TPRKB: variants seen among roughly 807,000 people sequenced by gnomAD.
TPRKB encodes the protein TP53RK binding protein, also known as EKC/KEOPS complex subunit TPRKB.
A neutral mutation model predicts 17.8 loss-of-function variants in TPRKB; 11 were observed. That is an observed-to-expected ratio of 0.62 (90% CI 0.39 to 1.02). The LOEUF (loss-of-function observed/expected upper bound fraction) is 1.02, where lower values mean the gene tolerates loss of function less well. Ranked by LOEUF, TPRKB falls within the 50% of genes least tolerant of loss-of-function variation. The pLI is 0.00. For synonymous variants in TPRKB, 71 were observed against 69.5 expected (o/e 1.02, Z -0.11); for missense variants, 228 against 198.0 (o/e 1.15, Z -0.91).
In TPRKB at chr2:73,732,179, A is replaced by C; in HGVS notation, c.248T>G (p.Leu83Arg). ...GCACATTACATTGTTATTTGGGGAA[A>C]GGTTGAAAATAATTTCAGTAGATAG... ...RTLSTEIIFN[L>R]SPNNNISEAL... The change falls in exon 3 of 5, where the codon CTT (leucine) becomes CGT (arginine). Residue 83 changes from leucine (L) to arginine (R), a missense_variant. Leu to Arg is a moderately radical substitution (Grantham distance 102, BLOSUM62 -2). Coordinates refer to ENST00000272424, the MANE Select transcript of TPRKB (RefSeq NM_016058.5). The C allele has an allele frequency of 6.2e-7, 1 of 1,613,694 alleles. No homozygotes were observed. Among genetic ancestry groups the C allele is most frequent in the South Asian group, 1.1e-5 (1 of 90,942 alleles).
intron 4 of TPRKB, 45 bp downstream of exon 4, chr2:73,730,515 A>AT: frequency 7.2e-7 from 1 of 1,382,230 alleles, no homozygotes; most frequent in Non-Finnish European, 9.9e-7. Context: ...CATCAGCATT[A>AT]TTGCTCATCT....
At chr2:73,732,436 G>C in intron 2 of TPRKB, 151 bp from the exon 3 acceptor site, 1 of 908,354 alleles carries the variant, frequency 1.1e-6, no homozygotes. Context: ...TCCCGGCTGG[G>C]CACGGTGGCT....
At chr2:73,730,832 CTCT>C (rs1466363593) in intron 3 of TPRKB, 96 bp from the exon 4 acceptor site, 7 of 910,344 alleles carry the variant, frequency 7.7e-6, no homozygotes, top group East Asian at 3.0e-5. Flanking sequence ...CTTGGTCAGG[CTCT>C]TATTTTTCAT....
intron 3 of TPRKB, chr2:73,730,953 T>A (rs1167373237): frequency 2.6e-6 from 1 of 383,506 alleles, no homozygotes; most frequent in Middle Eastern, 6.9e-4. Flanking sequence ...CTTGTTCCTA[T>A]GGAATCAAGC....
chr2:73,732,197 G>GTAGA lies in TPRKB; in HGVS notation c.226_229dup (p.Thr77IlefsTer3), dbSNP rs754816786. 1.2e-6 allele frequency: 2 copies of GTAGA among 1,613,722 alleles called. No homozygotes were observed. Among genetic ancestry groups the GTAGA allele is most frequent in the Admixed American group, 1.7e-5 (1 of 59,902 alleles). ...TGGGGAAAGGTTGAAAATAATTTCA[G>GTAGA]TAGATAGAGTTCTTGTCTTCATTTT... On this transcript the variant is annotated frameshift_variant, in exon 3 of 5. Transcript: ENST00000272424. LOFTEE classifies it high-confidence loss of function.
At chr2:73,730,999 C>G (rs986055027) in intron 3 of TPRKB, 2 of 269,542 alleles carry the variant, frequency 7.4e-6, no homozygotes, top group African/African-American at 4.4e-5. Context: ...CACCTCCTCC[C>G]TCTGGTGCCA....
chr2:73,731,979 C>G (rs1358509857), intron 3 of TPRKB, 184 bp downstream of exon 3: 1 of 543,030 alleles, frequency 1.8e-6, no homozygotes, highest in East Asian at 3.2e-5. Flanking sequence ...TTTTTGTTTA[C>G]TCATATGTAA....
intron 1 of TPRKB, among the ~76,000 whole-genome samples, chr2:73,736,347 T>G (rs1671877447): frequency 6.6e-6 from 1 of 152,174 alleles, no homozygotes; most frequent in African/African-American, 2.4e-5. Context: ...ATGAGGTGAT[T>G]TTTATTGTCC....
intron 3 of TPRKB, 173 bp from the exon 4 acceptor site, chr2:73,730,909 C>G (rs1001742641): frequency 2.0e-6 from 1 of 492,400 alleles, no homozygotes; most frequent in African/African-American, 2.0e-5. Flanking sequence ...TCCATTGGCA[C>G]TTCCTCAAAA....
Position 73,730,750 on chromosome 2 carries a change from A to C in TPRKB, c.265-14T>G. On this transcript the variant is annotated splice_polypyrimidine_tract_variant and intron_variant, in intron 3 of 4. Coordinates refer to ENST00000272424, the MANE Select transcript of TPRKB (RefSeq NM_016058.5). Reference sequence around the variant, plus strand: ...AGCCTCTGAAATCTAAGAGAAAAAAAATGAAAAAAAAAACACAAGATCATT... The same window carrying C: ...AGCCTCTGAAATCTAAGAGAAAAAACATGAAAAAAAAAACACAAGATCATT... The C allele has an allele frequency of 6.7e-7, 1 of 1,490,066 alleles. No individual in the cohort carries two copies. The highest frequency in any genetic ancestry group is 1.3e-5 in the South Asian group (1 of 75,264). The allele number at this position is 1,490,066 out of a possible 1,614,324, so 92.3% of individuals were successfully genotyped here. A position where few individuals can be genotyped will look rare whatever the true frequency, so the allele number is the denominator to read the frequency against.
intron 4 of TPRKB, 167 bp from the exon 5 acceptor site, chr2:73,730,196 C>A: frequency 1.3e-6 from 1 of 775,830 alleles, no homozygotes; most frequent in Non-Finnish European, 1.8e-6. Flanking sequence ...CAATTCATTA[C>A]TTGTATCCCC....
chr2:73,730,722 C>G lies in TPRKB; in HGVS notation c.279G>C (p.Leu93Phe). The G allele has an allele frequency of 6.7e-7, 1 of 1,503,210 alleles. No individual in the cohort carries two copies. The allele number at this position is 1,503,210 out of a possible 1,614,324, so 93.1% of individuals were successfully genotyped here. A position where few individuals can be genotyped will look rare whatever the true frequency, so the allele number is the denominator to read the frequency against. The part of the protein sequence containing the change: ...LSPNNNISEA[L>F]KKFGISANDT... The stretch of plus-strand genomic sequence containing the variant: ...CATTTGCTGAGATACCAAATTTTTT[C>G]AAAGCCTCTGAAATCTAAGAGAAAA... Residue 93 changes from leucine to phenylalanine, a missense_variant, in exon 4 of 5, where the codon TTG becomes TTC. Leu to Phe is a conservative substitution (Grantham distance 22). Coordinates refer to ENST00000272424, the MANE Select transcript of TPRKB (RefSeq NM_016058.5).
intron 3 of TPRKB, 54 bp from the exon 4 acceptor site, chr2:73,730,790 A>T (rs1671570577): frequency 2.3e-6 from 3 of 1,286,458 alleles, no homozygotes; most frequent in African/African-American, 1.6e-5. Flanking sequence ...ATTGTTTCCT[A>T]CGTCTGAAAC....
At chr2:73,731,449 C>T (rs1671606071) in intron 3 of TPRKB, among the ~76,000 whole-genome samples, 1 of 152,096 alleles carries the variant, frequency 6.6e-6, no homozygotes, top group Admixed American at 6.5e-5. Flanking sequence ...AATTTTATTC[C>T]AGGTACTGGG....
chr2:73,732,545 C>G (rs936624606), intron 2 of TPRKB: 1 of 366,486 alleles, frequency 2.7e-6, no homozygotes, highest in Non-Finnish European at 5.0e-6. Flanking sequence ...ACCCTCTCTA[C>G]TAAAAATACA....
chr2:73,734,846 G>T (rs1671807053), intron 1 of TPRKB, among the ~76,000 whole-genome samples: 1 of 152,244 alleles, frequency 6.6e-6, no homozygotes, highest in Non-Finnish European at 1.5e-5. Flanking sequence ...AGGCTCAGGT[G>T]CATGGTTGAA....
In TPRKB at chr2:73,734,432, T is replaced by C. The variant is rs1287248468; in HGVS notation, c.138A>G (p.Thr46=). The C allele has an allele frequency of 1.2e-6, 2 of 1,611,664 alleles. No homozygotes were observed. The highest frequency in any genetic ancestry group is 1.7e-6 in the Non-Finnish European group (2 of 1,179,312). Residue 46 remains threonine, a synonymous_variant, in exon 2 of 5, where the codon ACA becomes ACG. Coordinates refer to ENST00000272424, the MANE Select transcript of TPRKB (RefSeq NM_016058.5). ...GTIDGSLINP[T]VIVDPFQILV... ...CATTCTTAAAATTTATATTTACCACTGTAGGATTTATCAGTGATCCATCGA... is the reference window on the plus strand; with the variant it reads ...CATTCTTAAAATTTATATTTACCACCGTAGGATTTATCAGTGATCCATCGA...
In TPRKB at chr2:73,734,522, G is replaced by A; in HGVS notation, c.48C>T (p.Thr16=). The A allele has an allele frequency of 4.3e-6, 7 of 1,613,832 alleles. No homozygotes were observed. The highest frequency in any genetic ancestry group is 1.7e-4 in the Middle Eastern group (1 of 6,060). ...QLDLFPECRV[T]LLLFKDVKNA... is the part of the protein sequence containing the mutation. Reference sequence around the variant, plus strand: ...TTTTTACATCTTTAAATAACAGAAGGGTTACCCTGCATTCGGGAAATAGGT... The same window carrying A: ...TTTTTACATCTTTAAATAACAGAAGAGTTACCCTGCATTCGGGAAATAGGT... The change falls in exon 2 of 5, where the codon ACC becomes ACT. Residue 16 remains threonine (T), a synonymous_variant. Coordinates refer to ENST00000272424, the MANE Select transcript of TPRKB (RefSeq NM_016058.5).
intron 1 of TPRKB, among the ~76,000 whole-genome samples, chr2:73,736,201 T>A (rs376049825): frequency 6.6e-6 from 1 of 152,256 alleles, no homozygotes; most frequent in African/African-American, 2.4e-5. Context: ...AGTTCAATCA[T>A]TAGTCATGCT....
Sources: allele counts gnomAD v4.1 joint callset (sites outside exome capture counted in the v4.1 genomes callset), GRCh38; gene constraint gnomAD v4.1.1; transcripts MANE v1.5; gene names NCBI Gene and HGNC (gene_info 2026-07-23, HGNC 2026-07-21).